Variants in SETDB1 observed in about 807,000 individuals in gnomAD.
The protein encoded by SETDB1 is SET domain bifurcated histone lysine methyltransferase 1.
SETDB1 carries 31 observed loss-of-function variants against 137.4 expected under a neutral mutation model. The ratio of observed to expected loss-of-function variants is 0.23; its 90% CI spans 0.17 to 0.30. The LOEUF (loss-of-function observed/expected upper bound fraction) is 0.30. Among genes scored for constraint, SETDB1 ranks in the 10% least tolerant of loss-of-function variants. The probability of loss-of-function intolerance (pLI) is 1.00; values close to 1 mark genes in which losing one functional copy is unlikely to be tolerated. For missense variants in SETDB1, 1,113 were observed against 1,631.5 expected (o/e 0.68, Z 5.47); for synonymous variants, 548 against 579.9 (o/e 0.95, Z 0.79).
chr1:150,931,986 G>T (rs956595220), intron 3 of SETDB1, among the ~76,000 whole-genome samples: 1 of 151,510 alleles, frequency 6.6e-6, no homozygotes, highest in Non-Finnish European at 1.5e-5. Flanking sequence ...TACAGTAGTT[G>T]TTTTTTTAGA....
intron 12 of SETDB1, 68 bp from the exon 13 acceptor site, chr1:150,950,390 C>T: frequency 7.4e-7 from 1 of 1,351,854 alleles, no homozygotes; most frequent in Non-Finnish European, 1.0e-6. Flanking sequence ...GCTTAGCTAC[C>T]TGGAGGGTTA....
At chr1:150,952,562 C>T (rs1257463363) in intron 14 of SETDB1, among the ~76,000 whole-genome samples, 3 of 152,094 alleles carry the variant, frequency 2.0e-5, no homozygotes, top group Non-Finnish European at 4.4e-5. Flanking sequence ...GAGTGAAATT[C>T]AGTTTTTGTT....
intron 3 of SETDB1, among the ~76,000 whole-genome samples, chr1:150,937,978 CT>C (rs1200750100): frequency 6.6e-6 from 1 of 152,012 alleles, no homozygotes; most frequent in Non-Finnish European, 1.5e-5. Flanking sequence ...GCCTGTAATC[CT>C]AGCACTTTGG....
At chr1:150,932,145 G>A (rs1669779916) in intron 3 of SETDB1, among the ~76,000 whole-genome samples, 1 of 151,856 alleles carries the variant, frequency 6.6e-6, no homozygotes, top group Admixed American at 6.6e-5. Context: ...CAGCACCTTG[G>A]GAGGCCGAGT....
intron 12 of SETDB1, 117 bp downstream of exon 12, chr1:150,949,642 G>A (rs1227212403): frequency 2.3e-6 from 2 of 856,562 alleles, no homozygotes; most frequent in African/African-American, 3.4e-5. Context: ...TGAGGAGTTT[G>A]GACTTGAAAA....
chr1:150,950,533 T>C lies in SETDB1; in HGVS notation c.1659T>C (p.His553=), dbSNP rs1275327617. ...CCCCTCCAGCACCCCCAGTCTTCCA[T>C]GGCATGCTGGAGCGGGCCCCAGCAG... is the stretch of plus-strand genomic sequence containing the variant. The part of the protein sequence containing the change: ...LPAPPAPPVF[H]GMLERAPAEP... The change falls in exon 13 of 22, where the codon CAT becomes CAC. Residue 553 remains histidine, a synonymous_variant. Transcript: ENST00000692827. 1 of 1,614,010 alleles carries C rather than the reference T, an allele frequency of 6.2e-7. No individual in the cohort carries two copies. The highest frequency in any genetic ancestry group is 1.1e-5 in the South Asian group (1 of 91,064).
At position 150,927,693 on chromosome 1, in the gene SETDB1, G is replaced by C; in HGVS notation, c.-11-11G>C. 1.2e-6 allele frequency: 2 copies of C among 1,610,484 alleles called. No individual in the cohort carries two copies. The highest frequency in any genetic ancestry group is 1.1e-5 in the South Asian group (1 of 90,588). ...AGGACTCCAATTTAATTTGTTTTCT[G>C]TTCCATGCAGAGGACAAAAGCATGT... On this transcript the variant is annotated splice_polypyrimidine_tract_variant and intron_variant, in intron 1 of 21. Coordinates refer to ENST00000692827, the MANE Select transcript of SETDB1 (RefSeq NM_001366418.1).
intron 14 of SETDB1, among the ~76,000 whole-genome samples, chr1:150,953,771 G>C (rs1366293099): frequency 1.3e-5 from 2 of 151,996 alleles, no homozygotes; most frequent in Non-Finnish European, 2.9e-5. Flanking sequence ...AGAGATTACA[G>C]TAAGCTGAGA....
chr1:150,940,042 C>T (rs1670083531), intron 4 of SETDB1, 68 bp downstream of exon 4: 1 of 1,207,972 alleles, frequency 8.3e-7, no homozygotes, highest in South Asian at 1.3e-5. Flanking sequence ...TTTGGCCTAA[C>T]CATTTAATCA....
At position 150,951,356 on chromosome 1, in the gene SETDB1, G is replaced by A; in HGVS notation, c.2217-9G>A. The A allele has an allele frequency of 6.3e-7, 1 of 1,578,416 alleles. No individual in the cohort carries two copies. ...CCGCTCCTTTCCTTTATTTCCCTCT[G>A]TCATATAGGTCCAAGTGTGCCTGCC... On this transcript the variant is annotated splice_polypyrimidine_tract_variant and intron_variant, in intron 13 of 21. Transcript: ENST00000692827.
intron 1 of SETDB1, chr1:150,926,822 A>C (rs368538742): frequency 1.9e-6 from 1 of 533,328 alleles, no homozygotes; most frequent in African/African-American, 1.9e-5. Context: ...CCCACGTTTT[A>C]TTCCCAGGTT....
At chr1:150,938,560 C>T (rs587739542) in intron 3 of SETDB1, among the ~76,000 whole-genome samples, 3 of 152,130 alleles carry the variant, frequency 2.0e-5, no homozygotes, top group Admixed American at 6.5e-5. Flanking sequence ...TGCAGTGGCA[C>T]GATCTCAGCT....
intron 9 of SETDB1, among the ~76,000 whole-genome samples, chr1:150,945,982 G>A (rs1319409207): frequency 7.3e-5 from 11 of 151,288 alleles, no homozygotes; most frequent in Middle Eastern, 3.4e-3. Context: ...GATTACAGGC[G>A]TGAGCCACCA....
chr1:150,963,011 G>A lies in SETDB1; in HGVS notation c.3332G>A (p.Gly1111Glu). The A allele has an allele frequency of 6.2e-7, 1 of 1,614,116 alleles. No homozygotes were observed. The highest frequency in any genetic ancestry group is 1.1e-5 in the South Asian group (1 of 91,080). The change falls in exon 19 of 22, where the codon GGG becomes GAG. Residue 1111 changes from glycine (G) to glutamate (E), a missense_variant. Gly to Glu is a moderately conservative substitution (Grantham distance 98). Transcript: ENST00000692827. ...LTLSSSTESE[G>E]ESGTSRKPTA... is the part of the protein sequence containing the mutation. The stretch of plus-strand genomic sequence containing the variant: ...CTGTCCAGCAGCACAGAAAGTGAGG[G>A]GGAAAGTGGGACCAGCCGAAAGCCC...
Position 150,928,635 on chromosome 1 carries a change from T to G in SETDB1, c.260+661T>G, listed in dbSNP as rs1306990757. On this transcript the variant is annotated intron_variant, in intron 2 of 21. Coordinates refer to ENST00000692827, the MANE Select transcript of SETDB1 (RefSeq NM_001366418.1). ...ACATTGTTTTTAAATTTATTATACT[T>G]TAAGTTCTAGGGTATATGTGCACAA... Among the ~76,000 whole-genome samples the G allele has an allele frequency of 2.0e-5, 3 of 152,336 alleles. No individual in the cohort carries two copies. In the East Asian group the frequency reaches 5.8e-4, roughly 29 times the overall value.
chr1:150,928,929 C>CT (rs1038157879), intron 2 of SETDB1, among the ~76,000 whole-genome samples: 2 of 152,096 alleles, frequency 1.3e-5, no homozygotes, highest in Non-Finnish European at 2.9e-5. Flanking sequence ...TGAACTCATC[C>CT]TTTTTTATGG....
Position 150,927,929 on chromosome 1 carries a change from A to G in SETDB1, c.215A>G (p.Glu72Gly). 6.2e-7 allele frequency: 1 copy of G among 1,614,236 alleles called. No homozygotes were observed. Among genetic ancestry groups the G allele is most frequent in the Non-Finnish European group, 8.5e-7 (1 of 1,180,032 alleles). ...TTAGAGACATGGGTAATACAGAAAG[A>G]ATCTGAGGTGGCTCACGTTGACCAA... ...AELETWVIQK[E>G]SEVAHVDQLF... The change falls in exon 2 of 22, where the codon GAA becomes GGA. Residue 72 changes from glutamate (E) to glycine (G), a missense_variant. Coordinates refer to ENST00000692827, the MANE Select transcript of SETDB1 (RefSeq NM_001366418.1).
chr1:150,936,407 T>C (rs1315504288), intron 3 of SETDB1, among the ~76,000 whole-genome samples: 1 of 152,214 alleles, frequency 6.6e-6, no homozygotes, highest in Non-Finnish European at 1.5e-5. Flanking sequence ...AGAGTTACAT[T>C]TAGTTCTGAC....
chr1:150,957,724 G>A (rs1670688390), intron 14 of SETDB1, among the ~76,000 whole-genome samples: 1 of 152,106 alleles, frequency 6.6e-6, no homozygotes, highest in Non-Finnish European at 1.5e-5. Flanking sequence ...TTTCAGAGAT[G>A]GGGTGGACTT....
Sources: gnomAD v4.1 joint callset for allele counts (sites outside exome capture counted in the v4.1 genomes callset) on GRCh38, gnomAD v4.1.1 for gene constraint, MANE v1.5 for transcripts, NCBI Gene and HGNC (gene_info 2026-07-23, HGNC 2026-07-21) for gene names.